Variants in IL12RB2 observed in about 807,000 individuals in gnomAD.
IL12RB2 encodes interleukin-12 receptor subunit beta-2.
In IL12RB2, 82 loss-of-function variants were observed where a neutral mutation model predicts 89.4. That is an observed-to-expected ratio of 0.92 (90% CI 0.77 to 1.10). IL12RB2 has a LOEUF of 1.10. Among genes scored for constraint, IL12RB2 ranks in the 50% least tolerant of loss-of-function variants. IL12RB2 has a pLI of 0.00. For synonymous variants in IL12RB2, 368 were observed against 370.1 expected, an observed-to-expected ratio of 0.99 and a Z score of 0.07; for missense variants, 963 against 1,031.9, an observed-to-expected ratio of 0.93 and a Z score of 0.92.
chr1:67,336,720 C>T (rs950740319), intron 8 of IL12RB2, among the ~76,000 whole-genome samples: 6 of 152,180 alleles, frequency 3.9e-5, no homozygotes, highest in Admixed American at 3.9e-4. Flanking sequence ...GCAGAGAAAC[C>T]ATTAGCTTTC....
intron 13 of IL12RB2, among the ~76,000 whole-genome samples, chr1:67,379,393 C>T (rs900659784): frequency 2.0e-5 from 3 of 149,834 alleles, no homozygotes; most frequent in African/African-American, 7.4e-5. Flanking sequence ...ACCTGTAGTC[C>T]CAGCTACTTG....
chr1:67,365,444 A>AATAAAAAG (rs1434253073), intron 10 of IL12RB2, among the ~76,000 whole-genome samples: 2 of 152,222 alleles, frequency 1.3e-5, no homozygotes, highest in African/African-American at 4.8e-5. Context: ...CAATATCATA[A>AATAAAAAG]ATAAAAAGGG....
At chr1:67,351,251 T>G (rs986102794) in intron 10 of IL12RB2, among the ~76,000 whole-genome samples, 162 bp downstream of exon 10, 3 of 152,110 alleles carry the variant, frequency 2.0e-5, no homozygotes, top group Non-Finnish European at 4.4e-5. Context: ...AATCAGCCTA[T>G]GAGTAGCCTT....
At position 67,396,176 on chromosome 1, in the gene IL12RB2, C is replaced by T; in HGVS notation, c.*87C>T. On this transcript the variant is annotated 3_prime_UTR_variant, in exon 17 of 17. Transcript: ENST00000674203. ...CCCCAGCCCCTGCTCCAGCAGCTGT[C>T]ATCTCTGGGTGCCACCATCGGTCTG... The T allele has an allele frequency of 1.2e-6, 1 of 859,116 alleles. No individual in the cohort carries two copies. The highest frequency in any genetic ancestry group is 1.3e-5 in the South Asian group (1 of 75,882). The allele number at this position is 859,116 out of a possible 1,614,324, so 53.2% of individuals were successfully genotyped here. A position where few individuals can be genotyped will look rare whatever the true frequency, so the allele number is the denominator to read the frequency against.
At chr1:67,392,591 T>G (rs897105341) in intron 16 of IL12RB2, among the ~76,000 whole-genome samples, 8 of 151,952 alleles carry the variant, frequency 5.3e-5, no homozygotes, top group African/African-American at 1.9e-4. Context: ...CACTTAATTT[T>G]CATTACATAG....
chr1:67,353,602 G>A (rs1661073496), intron 10 of IL12RB2, among the ~76,000 whole-genome samples: 1 of 152,108 alleles, frequency 6.6e-6, no homozygotes, highest in Non-Finnish European at 1.5e-5. Flanking sequence ...ACATTTACAT[G>A]AGCACGTATT....
Position 67,350,974 on chromosome 1 carries a change from C to T in IL12RB2, c.1143C>T (p.Thr381=), listed in dbSNP as rs1233817279. The part of the protein sequence containing the change: ...KAMTQNITGH[T]SWTTVIPRTG... ...TGACACAGAACATCACAGGACACAC[C>T]TCCTGGACCACAGTCATTCCTAGAA... Residue 381 remains threonine, a synonymous_variant, in exon 10 of 17, where the codon ACC becomes ACT. Transcript: ENST00000674203. The T allele has an allele frequency of 3.7e-6, 6 of 1,614,138 alleles. No homozygotes were observed. Among genetic ancestry groups the T allele is most frequent in the Non-Finnish European group, 5.1e-6 (6 of 1,180,002 alleles).
chr1:67,351,489 A>T (rs1272480891), intron 10 of IL12RB2, among the ~76,000 whole-genome samples: 3 of 152,164 alleles, frequency 2.0e-5, no homozygotes, highest in African/African-American at 7.2e-5. Context: ...TTTACACCTA[A>T]AGTCAAAACG....
At chr1:67,347,934 T>C (rs1309786543) in intron 9 of IL12RB2, among the ~76,000 whole-genome samples, 1 of 152,170 alleles carries the variant, frequency 6.6e-6, no homozygotes, top group Non-Finnish European at 1.5e-5. Context: ...CGTTCCTTAA[T>C]GTCCCCAAGC....
chr1:67,312,821 G>A (rs1023590207), intron 1 of IL12RB2, among the ~76,000 whole-genome samples: 1 of 152,082 alleles, frequency 6.6e-6, no homozygotes, highest in South Asian at 2.1e-4. Context: ...CCATAGGACA[G>A]CAAATGCTTA....
At chr1:67,364,611 G>A (rs1462536051) in intron 10 of IL12RB2, among the ~76,000 whole-genome samples, 1 of 152,172 alleles carries the variant, frequency 6.6e-6, no homozygotes, top group African/African-American at 2.4e-5. Context: ...TCTTTAATGT[G>A]TATGGACTTA....
At chr1:67,358,147 A>G (rs1661603599) in intron 10 of IL12RB2, among the ~76,000 whole-genome samples, 1 of 152,204 alleles carries the variant, frequency 6.6e-6, no homozygotes, top group Non-Finnish European at 1.5e-5. Flanking sequence ...CCTACTAAAG[A>G]AAAAGAATCA....
chr1:67,391,755 G>T (rs1383769415), intron 16 of IL12RB2, among the ~76,000 whole-genome samples: 3 of 151,734 alleles, frequency 2.0e-5, no homozygotes, highest in Non-Finnish European at 4.4e-5. Flanking sequence ...TCCTGCCTCA[G>T]CCTCCCTAGT....
intron 2 of IL12RB2, among the ~76,000 whole-genome samples, chr1:67,316,778 A>G (rs1569710812): frequency 6.6e-6 from 1 of 152,154 alleles, no homozygotes; most frequent in African/African-American, 2.4e-5. Context: ...GCCAGCACCA[A>G]TTTTAGCCCA....
intron 14 of IL12RB2, among the ~76,000 whole-genome samples, chr1:67,383,524 T>C (rs547746966): frequency 1.3e-5 from 2 of 152,260 alleles, no homozygotes; most frequent in African/African-American, 4.8e-5. Flanking sequence ...AAGCAAGTCT[T>C]TTCCACCTAT....
At chr1:67,391,797 C>T (rs1469956136) in intron 16 of IL12RB2, among the ~76,000 whole-genome samples, 4 of 152,060 alleles carry the variant, frequency 2.6e-5, no homozygotes, top group Non-Finnish European at 4.4e-5. Context: ...CCGCCATGCC[C>T]GGCTAATTTT....
chr1:67,336,346 A>G (rs952672550), intron 8 of IL12RB2, among the ~76,000 whole-genome samples: 5 of 152,164 alleles, frequency 3.3e-5, no homozygotes, highest in Admixed American at 6.5e-5. Flanking sequence ...GAGATGATGT[A>G]TATAGTGTCC....
At chr1:67,342,313 G>C (rs1190227462) in intron 9 of IL12RB2, among the ~76,000 whole-genome samples, 23 of 152,122 alleles carry the variant, frequency 1.5e-4, no homozygotes, top group Admixed American at 1.4e-3. Flanking sequence ...TCATGCCTTG[G>C]CATCAAAGGA....
chr1:67,348,584 A>T (rs1440568859), intron 9 of IL12RB2, among the ~76,000 whole-genome samples: 4 of 151,898 alleles, frequency 2.6e-5, no homozygotes, highest in African/African-American at 9.7e-5. Context: ...TTCCTTGATG[A>T]TATTCCCTTC....
Sources: gnomAD v4.1 joint callset for allele counts (sites outside exome capture counted in the v4.1 genomes callset) on GRCh38, gnomAD v4.1.1 for gene constraint, MANE v1.5 for transcripts, NCBI Gene and HGNC (gene_info 2026-07-23, HGNC 2026-07-21) for gene names.